The following FAXC variants were observed in gnomAD, a reference collection of about 807,000 sequenced individuals.
FAXC encodes failed axon connections homolog, metaxin like GST domain containing.
Under a neutral mutation model 41.9 loss-of-function variants are expected in FAXC, and 10 were observed. The ratio of observed to expected loss-of-function variants is 0.24; its 90% CI spans 0.15 to 0.41. The LOEUF is 0.41. Among genes scored for constraint, FAXC ranks in the 10% least tolerant of loss-of-function variants. The pLI is 1.00. For missense variants in FAXC, 399 were observed against 510.9 expected, an observed-to-expected ratio of 0.78 and a Z score of 2.11; for synonymous variants, 183 against 183.8, an observed-to-expected ratio of 1.00 and a Z score of 0.03.
At chr6:99,346,299 A>C (rs1773590915) in intron 1 of FAXC, among the ~76,000 whole-genome samples, 1 of 152,164 alleles carries the variant, frequency 6.6e-6, no homozygotes, top group Non-Finnish European at 1.5e-5. Flanking sequence ...GCTGCAAGAA[A>C]GGCACCTGAT....
At chr6:99,332,559 T>G (rs1283692643) in intron 3 of FAXC, among the ~76,000 whole-genome samples, 1 of 152,166 alleles carries the variant, frequency 6.6e-6, no homozygotes, top group Non-Finnish European at 1.5e-5. Flanking sequence ...TTAACTCACA[T>G]GGTACCACCG....
At chr6:99,293,562 G>C (rs1771330194) in intron 4 of FAXC, among the ~76,000 whole-genome samples, 1 of 151,908 alleles carries the variant, frequency 6.6e-6, no homozygotes, top group African/African-American at 2.4e-5. Context: ...TATAAAATGA[G>C]AAGAATAACT....
chr6:99,327,584 C>T (rs901527901), intron 3 of FAXC, among the ~76,000 whole-genome samples: 11 of 152,154 alleles, frequency 7.2e-5, no homozygotes, highest in African/African-American at 2.7e-4. Flanking sequence ...TCTCTATCTT[C>T]ATTCCTCCTA....
chr6:99,303,584 A>T (rs9402650), intron 4 of FAXC, among the ~76,000 whole-genome samples: 7,286 of 152,316 alleles, frequency 0.048, 479 homozygotes, highest in East Asian at 0.34. Context: ...CAGCATGACA[A>T]GTTAGGCCCT....
At chr6:99,326,532 G>C (rs116720888) in intron 3 of FAXC, among the ~76,000 whole-genome samples, 2 of 152,304 alleles carry the variant, frequency 1.3e-5, no homozygotes, top group African/African-American at 4.8e-5. Context: ...GAACCCCTAA[G>C]TGAAGATGTC....
intron 4 of FAXC, among the ~76,000 whole-genome samples, chr6:99,318,639 G>A (rs943387489): frequency 1.3e-5 from 2 of 152,166 alleles, no homozygotes; most frequent in East Asian, 1.9e-4. Flanking sequence ...CAGTGACAGT[G>A]ATTATGAGAA....
intron 5 of FAXC, among the ~76,000 whole-genome samples, chr6:99,289,825 C>T (rs1370496492): frequency 1.3e-5 from 2 of 151,874 alleles, no homozygotes; most frequent in Admixed American, 6.6e-5. Context: ...CATTAACCTA[C>T]AGTAAGGCAA....
intron 4 of FAXC, among the ~76,000 whole-genome samples, chr6:99,295,312 T>C (rs936659658): frequency 3.9e-5 from 6 of 152,256 alleles, no homozygotes; most frequent in Admixed American, 6.5e-5. Context: ...GAAAGCCTTT[T>C]TAAATTTTTA....
rs560140669 is a variant in FAXC, at chr6:99,272,695, C to T, written c.*8469G>A. 45 of 152,306 alleles carry T rather than the reference C, an allele frequency of 3.0e-4. No individual in the cohort carries two copies. The highest frequency in any genetic ancestry group is 1.0e-3 in the African/African-American group (43 of 41,572). The allele number at this position is 152,306 out of a possible 1,614,324, so 9.4% of individuals were successfully genotyped here. On this transcript the variant is annotated 3_prime_UTR_variant, in exon 6 of 6. Transcript: ENST00000389677. ...GATCTGTTTTTCTTCTTAAAAGCCACTCACTTGAAATTCTATCAAAGTTAT... is the reference window on the plus strand; with the variant it reads ...GATCTGTTTTTCTTCTTAAAAGCCATTCACTTGAAATTCTATCAAAGTTAT...
At chr6:99,340,389 C>G (rs1402387152) in intron 2 of FAXC, among the ~76,000 whole-genome samples, 2 of 152,090 alleles carry the variant, frequency 1.3e-5, no homozygotes, top group Non-Finnish European at 2.9e-5. Context: ...GCATGAGCCA[C>G]CAGCCTGGCC....
In FAXC at chr6:99,322,833, C is replaced by T. The variant is rs983792717; in HGVS notation, c.823+611G>A. 4.6e-5 allele frequency among the ~76,000 whole-genome samples: 7 copies of T among 152,304 alleles called. No individual in the cohort carries two copies. The South Asian group carries it at 1.5e-3, about 32-fold the overall frequency. Reference sequence around the variant, plus strand: ...CTCACCAGCCCGCGGGTACACACTGCTCTCTGTGCTTCTCTTTTAGTGGTT... The same window carrying T: ...CTCACCAGCCCGCGGGTACACACTGTTCTCTGTGCTTCTCTTTTAGTGGTT... On this transcript the variant is annotated intron_variant, in intron 4 of 5. Coordinates refer to ENST00000389677, the MANE Select transcript of FAXC (RefSeq NM_032511.4).
intron 4 of FAXC, among the ~76,000 whole-genome samples, chr6:99,294,628 G>T (rs1172541653): frequency 1.3e-5 from 2 of 152,110 alleles, no homozygotes; most frequent in Non-Finnish European, 2.9e-5. Flanking sequence ...AAAAAAAGAG[G>T]GGGAGGGGGA....
In FAXC at chr6:99,281,145, G is replaced by C; in HGVS notation, c.*19C>G. 3 of 1,127,988 alleles carry C rather than the reference G, an allele frequency of 2.7e-6. No individual in the cohort carries two copies. Among genetic ancestry groups the C allele is most frequent in the Non-Finnish European group, 4.1e-6 (3 of 737,994 alleles). 69.9% of individuals were successfully genotyped at this position (1,127,988 alleles called of 1,614,324 possible). ...AGGGAGTGGCAGGTCCCAAGGAAGA[G>C]GGTCAGTGAGGCTGGACGTCACTTG... On this transcript the variant is annotated 3_prime_UTR_variant, in exon 6 of 6. Transcript: ENST00000389677.
intron 4 of FAXC, among the ~76,000 whole-genome samples, chr6:99,305,122 G>T (rs1156359359): frequency 6.6e-6 from 1 of 152,180 alleles, no homozygotes; most frequent in Non-Finnish European, 1.5e-5. Flanking sequence ...GGAGATGTGA[G>T]AATTCAGCTT....
At chr6:99,332,292 G>T (rs1773054258) in intron 3 of FAXC, among the ~76,000 whole-genome samples, 1 of 152,210 alleles carries the variant, frequency 6.6e-6, no homozygotes, top group Non-Finnish European at 1.5e-5. Context: ...CCCATATTGA[G>T]GATATCACTC....
At position 99,276,036 on chromosome 6, in the gene FAXC, G is replaced by A. The variant is rs1372805140; in HGVS notation, c.*5128C>T. The A allele has an allele frequency of 6.6e-6, 1 of 151,880 alleles. No individual in the cohort carries two copies. Among genetic ancestry groups the A allele is most frequent in the Non-Finnish European group, 1.5e-5 (1 of 67,996 alleles). 9.4% of individuals were successfully genotyped at this position (151,880 alleles called of 1,614,324 possible). A position where few individuals can be genotyped will look rare whatever the true frequency, so the allele number is the denominator to read the frequency against. ...CCAGCATTTAGCCTGGGAAGTATTC[G>A]TCATTGAGTGTACTTTTATCAGTTC... On this transcript the variant is annotated 3_prime_UTR_variant, in exon 6 of 6. Transcript: ENST00000389677.
At chr6:99,303,961 A>G (rs935160935) in intron 4 of FAXC, among the ~76,000 whole-genome samples, 4 of 152,200 alleles carry the variant, frequency 2.6e-5, no homozygotes, top group African/African-American at 7.2e-5. Flanking sequence ...TTTTATTAAG[A>G]AAGGTTTTTA....
intron 4 of FAXC, among the ~76,000 whole-genome samples, chr6:99,305,715 C>CATAT (rs10635299): frequency 1.2e-4 from 18 of 148,288 alleles, no homozygotes; most frequent in East Asian, 1.2e-3. Flanking sequence ...CATATTATAA[C>CATAT]ATATATATAT....
chr6:99,345,308 G>A (rs1262669516), intron 1 of FAXC, among the ~76,000 whole-genome samples: 3 of 152,126 alleles, frequency 2.0e-5, no homozygotes, highest in African/African-American at 7.2e-5. Context: ...AGCATGTCAC[G>A]TGTTATCTCA....
Sources: gnomAD v4.1 joint callset for allele counts (sites outside exome capture counted in the v4.1 genomes callset) on GRCh38, gnomAD v4.1.1 for gene constraint, MANE v1.5 for transcripts, NCBI Gene and HGNC (gene_info 2026-07-23, HGNC 2026-07-21) for gene names.